ABCB5: variants seen among roughly 807,000 people sequenced by gnomAD.
The protein encoded by ABCB5 is ATP-binding cassette sub-family B member 5.
In ABCB5, 155 loss-of-function variants were observed where a neutral mutation model predicts 144.2. The ratio of observed to expected loss-of-function variants is 1.08; its 90% CI spans 0.94 to 1.23. The LOEUF (loss-of-function observed/expected upper bound fraction) is 1.23, where lower values mean the gene tolerates loss of function less well. Ranked by LOEUF, ABCB5 falls within the 50% of genes most tolerant of loss-of-function variation. The pLI is 0.00. For missense variants in ABCB5, 1,830 were observed against 1,520.8 expected (o/e 1.20, Z -3.38); for synonymous variants, 610 against 528.6 (o/e 1.15, Z -2.11).
chr7:20,738,942 G>C (rs534028613), intron 23 of ABCB5, 41 bp from the exon 24 acceptor site: 3 of 1,528,958 alleles, frequency 2.0e-6, no homozygotes, highest in East Asian at 4.7e-5. Flanking sequence ...TTTTACAAAG[G>C]ATCGATGGAC....
chr7:20,623,868 C>T (rs570466055), intron 2 of ABCB5, among the ~76,000 whole-genome samples: 49 of 152,208 alleles, frequency 3.2e-4, no homozygotes, highest in African/African-American at 1.1e-3. Flanking sequence ...TATATTTGGA[C>T]ATACAATCTA....
chr7:20,629,145 C>CATGTGTGTGTGT (rs1554278477), intron 4 of ABCB5, among the ~76,000 whole-genome samples: 1 of 135,058 alleles, frequency 7.4e-6, no homozygotes, highest in Non-Finnish European at 1.6e-5. Context: ...AGAGAGACTG[C>CATGTGTGTGTGT]GTGTGTGTGT....
At chr7:20,681,046 T>C (rs111912563) in intron 14 of ABCB5, among the ~76,000 whole-genome samples, 4,863 of 19,910 alleles carry the variant, frequency 0.24, 401 homozygotes, top group East Asian at 0.36. Flanking sequence ...CTTTCTTTCT[T>C]TCTCTCTCTC....
intron 19 of ABCB5, 39 bp downstream of exon 19, chr7:20,700,174 A>G: frequency 1.1e-5 from 16 of 1,478,894 alleles, no homozygotes; most frequent in Non-Finnish European, 1.5e-5. Flanking sequence ...TTTATTTAAA[A>G]TTTATTGTAA....
At chr7:20,669,947 A>G (rs1326398495) in intron 14 of ABCB5, among the ~76,000 whole-genome samples, 2 of 152,212 alleles carry the variant, frequency 1.3e-5, no homozygotes, top group East Asian at 3.8e-4. Flanking sequence ...ATAGAATTCA[A>G]ACTTGAAGTG....
At chr7:20,647,918 T>G (rs760685994) in intron 10 of ABCB5, 50 bp from the exon 11 acceptor site, 1 of 1,242,230 alleles carries the variant, frequency 8.1e-7, no homozygotes, top group Non-Finnish European at 1.2e-6. Flanking sequence ...ATGTAGAGAC[T>G]GTCAGTTTAC....
In ABCB5 at chr7:20,627,429, C is replaced by T. The variant is rs570291210; in HGVS notation, c.108+818C>T. Among the ~76,000 whole-genome samples the T allele has an allele frequency of 2.6e-5, 4 of 152,116 alleles. No individual in the cohort carries two copies. The South Asian group carries it at 8.3e-4, about 32-fold the overall frequency. On this transcript the variant is annotated intron_variant, in intron 3 of 27. Transcript: ENST00000404938. ...ATGAATGGAAAAATAATATTTTGGT[C>T]TCCATTCATAAAATATGCAGTAAGT...
intron 14 of ABCB5, among the ~76,000 whole-genome samples, chr7:20,665,143 GA>G (rs1384924943): frequency 6.6e-6 from 1 of 152,138 alleles, no homozygotes; most frequent in Non-Finnish European, 1.5e-5. Flanking sequence ...CATTTTAGCA[GA>G]GTTTACATTT....
chr7:20,685,393 C>T (rs1484388668), intron 15 of ABCB5, among the ~76,000 whole-genome samples: 1 of 152,110 alleles, frequency 6.6e-6, no homozygotes, highest in Non-Finnish European at 1.5e-5. Context: ...TCAAAAAGCT[C>T]CTGTTACTAA....
At chr7:20,675,979 A>G (rs2128037275) in intron 14 of ABCB5, among the ~76,000 whole-genome samples, 1 of 152,078 alleles carries the variant, frequency 6.6e-6, no homozygotes, top group African/African-American at 2.4e-5. Flanking sequence ...GATATCTCAC[A>G]CCTATTAGGA....
intron 20 of ABCB5, among the ~76,000 whole-genome samples, chr7:20,707,767 A>C (rs1407521419): frequency 6.6e-6 from 1 of 150,562 alleles, no homozygotes; most frequent in African/African-American, 2.4e-5. Context: ...GTTAGAACTA[A>C]GATATTATTA....
intron 15 of ABCB5, among the ~76,000 whole-genome samples, chr7:20,684,084 A>G (rs1357370489): frequency 1.3e-5 from 2 of 152,218 alleles, no homozygotes; most frequent in African/African-American, 2.4e-5. Context: ...TAAACAGGCA[A>G]AATCATGTGA....
chr7:20,707,965 A>G lies in ABCB5; in HGVS notation c.2421+3158A>G, dbSNP rs181668249. Among the ~76,000 whole-genome samples, 202 of 151,844 alleles carry G rather than the reference A, an allele frequency of 1.3e-3. 2 individuals carry two copies. The East Asian group carries it at 0.031, about 23-fold the overall frequency. On this transcript the variant is annotated intron_variant, in intron 20 of 27. Coordinates refer to ENST00000404938, the MANE Select transcript of ABCB5 (RefSeq NM_001163941.2). ...ACTACAGGTGCCTGCTACTATGCCC[A>G]GCTAATTTTTTTTGTATTTTTAGTA...
At chr7:20,669,931 C>T (rs1484164146) in intron 14 of ABCB5, among the ~76,000 whole-genome samples, 1 of 152,074 alleles carries the variant, frequency 6.6e-6, no homozygotes, top group Non-Finnish European at 1.5e-5. Context: ...GTCTCCAAGA[C>T]CCAGAATAGA....
chr7:20,692,090 A>C lies in ABCB5; in HGVS notation c.2010+6254A>C, dbSNP rs535640669. ...AATCATTGAAGAAATAATGCTTTAA[A>C]AATTTGCCAATTTGATGAAAACTTA... On this transcript the variant is annotated intron_variant, in intron 16 of 27. Transcript: ENST00000404938. Among the ~76,000 whole-genome samples, 24 of 152,296 alleles carry C rather than the reference A, an allele frequency of 1.6e-4. No homozygotes were observed. The South Asian group carries it at 4.1e-3, about 26-fold the overall frequency.
Position 20,745,391 on chromosome 7 carries a change from G to A in ABCB5, c.3382G>A (p.Ala1128Thr). ...RVVPLDEIKE[A>T]ANAANIHSFI... is the part of the protein sequence containing the mutation. ...GGTGCCATTAGATGAGATCAAAGAA[G>A]CCGCAAATGCAGCAAATATCCATTC... Residue 1128 changes from alanine (A) to threonine (T), a missense_variant, in exon 26 of 28, where the codon GCC (alanine) becomes ACC (threonine). Physicochemically the swap from Ala to Thr is moderately conservative, Grantham distance 58. Coordinates refer to ENST00000404938, the MANE Select transcript of ABCB5 (RefSeq NM_001163941.2). 1 of 1,614,216 alleles carries A rather than the reference G, an allele frequency of 6.2e-7. No homozygotes were observed. The highest frequency in any genetic ancestry group is 8.5e-7 in the Non-Finnish European group (1 of 1,180,032).
intron 24 of ABCB5, among the ~76,000 whole-genome samples, chr7:20,740,831 G>T (rs62453390): frequency 0.26 from 39,889 of 151,962 alleles, 5,316 homozygotes; most frequent in Non-Finnish European, 0.29. Flanking sequence ...TCTGGGCAGG[G>T]TGTGGTGGCT....
intron 5 of ABCB5, among the ~76,000 whole-genome samples, chr7:20,636,132 T>G (rs1328368721): frequency 1.3e-5 from 2 of 152,136 alleles, no homozygotes; most frequent in African/African-American, 4.8e-5. Flanking sequence ...AGCCTCAACT[T>G]TCTTTGGCTT....
intron 1 of ABCB5, among the ~76,000 whole-genome samples, chr7:20,617,718 A>G (rs1263343008): frequency 6.6e-6 from 1 of 152,348 alleles, no homozygotes; most frequent in African/African-American, 2.4e-5. Flanking sequence ...GCTGTCAATA[A>G]GAGAATCATT....
Sources: allele counts gnomAD v4.1 joint callset (sites outside exome capture counted in the v4.1 genomes callset), GRCh38; gene constraint gnomAD v4.1.1; transcripts MANE v1.5; gene names NCBI Gene and HGNC (gene_info 2026-07-23, HGNC 2026-07-21).